The following SCN11A variants were observed in gnomAD, a reference collection of about 807,000 sequenced individuals.
The protein encoded by SCN11A is sodium channel protein type 11 subunit alpha.
A neutral mutation model predicts 162.2 loss-of-function variants in SCN11A; 122 were observed. The ratio of observed to expected loss-of-function variants is 0.75; its 90% CI spans 0.65 to 0.87. The LOEUF is 0.87. SCN11A is among the 40% of genes least tolerant of loss of function. The pLI is 0.00. For synonymous variants in SCN11A, 758 were observed against 751.5 expected, an observed-to-expected ratio of 1.01 and a Z score of -0.14; for missense variants, 2,015 against 2,181.6, an observed-to-expected ratio of 0.92 and a Z score of 1.52.
chr3:38,916,074 T>A (rs1002581592), intron 11 of SCN11A, among the ~76,000 whole-genome samples: 1 of 152,212 alleles, frequency 6.6e-6, no homozygotes, highest in Non-Finnish European at 1.5e-5. Flanking sequence ...TTTATCTATT[T>A]TTTATCTTTG....
At chr3:38,932,390 A>T (rs996294042) in intron 7 of SCN11A, among the ~76,000 whole-genome samples, 2 of 152,298 alleles carry the variant, frequency 1.3e-5, no homozygotes, top group South Asian at 4.2e-4. Flanking sequence ...GGTGCAGCGC[A>T]CCGTGCATGA....
chr3:39,016,574 CTTCA>C (rs1279830421), intron 2 of SCN11A, among the ~76,000 whole-genome samples: 1 of 151,734 alleles, frequency 6.6e-6, no homozygotes, highest in Non-Finnish European at 1.5e-5. Flanking sequence ...TTTATTTTGC[CTTCA>C]TTTTTATTTA....
intron 2 of SCN11A, among the ~76,000 whole-genome samples, chr3:38,976,152 T>C (rs1353273283): frequency 4.6e-5 from 7 of 152,316 alleles, no homozygotes; most frequent in Middle Eastern, 3.4e-3. Context: ...TCCAGTGTCA[T>C]TGTTTTCATA....
intron 22 of SCN11A, 130 bp downstream of exon 22, chr3:38,883,103 G>C: frequency 1.3e-6 from 1 of 759,748 alleles, no homozygotes. Flanking sequence ...GCCCACTGCG[G>C]GAACCAGCAG....
At chr3:38,887,441 T>TG (rs1276323469) in intron 19 of SCN11A, among the ~76,000 whole-genome samples, 1 of 66,206 alleles carries the variant, frequency 1.5e-5, no homozygotes, top group Non-Finnish European at 2.9e-5. Flanking sequence ...TGTTGTGGGG[T>TG]GGGGGGAGGG....
chr3:38,948,613 A>G (rs2066553867), intron 5 of SCN11A, among the ~76,000 whole-genome samples: 1 of 152,220 alleles, frequency 6.6e-6, no homozygotes, highest in Non-Finnish European at 1.5e-5. Context: ...TAGAGTGCTA[A>G]TCATGATCAC....
intron 15 of SCN11A, 66 bp from the exon 16 acceptor site, chr3:38,904,169 G>T: frequency 9.9e-7 from 1 of 1,007,710 alleles, no homozygotes; most frequent in Non-Finnish European, 1.4e-6. Flanking sequence ...CTTTGCCTGA[G>T]TGCATTCCTT....
At chr3:38,988,742 A>G (rs1396417254) in intron 2 of SCN11A, among the ~76,000 whole-genome samples, 2 of 152,086 alleles carry the variant, frequency 1.3e-5, no homozygotes, top group Non-Finnish European at 2.9e-5. Flanking sequence ...TTTTATTACA[A>G]CTCTGATTTT....
intron 2 of SCN11A, among the ~76,000 whole-genome samples, chr3:38,975,406 G>C (rs1481822229): frequency 6.6e-6 from 1 of 152,198 alleles, no homozygotes; most frequent in Admixed American, 6.5e-5. Flanking sequence ...AATTCGAGGG[G>C]TGAGAAGGTA....
intron 28 of SCN11A, among the ~76,000 whole-genome samples, chr3:38,856,698 G>T (rs2126084492): frequency 6.6e-6 from 1 of 152,136 alleles, no homozygotes; most frequent in Non-Finnish European, 1.5e-5. Context: ...CATCAAGTCA[G>T]TAAATAAAAC....
intron 1 of SCN11A, among the ~76,000 whole-genome samples, chr3:39,046,964 A>C (rs1273953201): frequency 6.6e-6 from 1 of 151,012 alleles, no homozygotes; most frequent in Non-Finnish European, 1.5e-5. Flanking sequence ...CAAGCGATCC[A>C]CACACCTCAG....
chr3:38,862,815 A>G (rs1327173979), intron 28 of SCN11A, among the ~76,000 whole-genome samples: 1 of 152,110 alleles, frequency 6.6e-6, no homozygotes, highest in Non-Finnish European at 1.5e-5. Flanking sequence ...TGACAGGTGC[A>G]CCAAACTCTC....
chr3:38,938,536 ATATATATATATATATTTT>A (rs2066382148), intron 7 of SCN11A, among the ~76,000 whole-genome samples: 2 of 23,546 alleles, frequency 8.5e-5, no homozygotes, highest in African/African-American at 1.6e-4. Context: ...ATATATATAT[ATATATATATATATATTTT>A]TTTTTTTTTT....
intron 27 of SCN11A, among the ~76,000 whole-genome samples, chr3:38,866,288 G>A (rs927441017): frequency 3.3e-5 from 5 of 151,210 alleles, no homozygotes; most frequent in East Asian, 3.9e-4. Flanking sequence ...GAGCGATCTC[G>A]GCTTACTGCA....
At chr3:38,941,150 G>A (rs1437218224) in intron 7 of SCN11A, among the ~76,000 whole-genome samples, 1 of 152,202 alleles carries the variant, frequency 6.6e-6, no homozygotes, top group Non-Finnish European at 1.5e-5. Flanking sequence ...GTGGCCGAGG[G>A]TGGGGTTCAG....
chr3:39,034,052 C>T (rs535194669), intron 1 of SCN11A, among the ~76,000 whole-genome samples: 3 of 152,234 alleles, frequency 2.0e-5, no homozygotes, highest in African/African-American at 7.2e-5. Context: ...ATCCCAGCTA[C>T]TCAGGAGGCT....
intron 6 of SCN11A, 27 bp downstream of exon 6, chr3:38,946,762 T>C: frequency 7.0e-7 from 1 of 1,438,110 alleles, no homozygotes; most frequent in South Asian, 1.2e-5. Context: ...TGATCTGGAC[T>C]TAGTAAAAGG....
chr3:38,961,049 A>G (rs2066736209), intron 2 of SCN11A, among the ~76,000 whole-genome samples: 1 of 152,152 alleles, frequency 6.6e-6, no homozygotes, highest in Non-Finnish European at 1.5e-5. Context: ...GTATCACACC[A>G]TAAGCTATTG....
intron 4 of SCN11A, among the ~76,000 whole-genome samples, chr3:38,951,261 T>G (rs543552931): frequency 6.6e-6 from 1 of 152,318 alleles, no homozygotes; most frequent in East Asian, 1.9e-4. Context: ...CGGCTGGCCC[T>G]GCCGGCCCGG....
Sources: gnomAD v4.1 joint callset for allele counts (sites outside exome capture counted in the v4.1 genomes callset) on GRCh38, gnomAD v4.1.1 for gene constraint, MANE v1.5 for transcripts, NCBI Gene and HGNC (gene_info 2026-07-23, HGNC 2026-07-21) for gene names.